ERC2: variants seen among roughly 807,000 people sequenced by gnomAD.
The protein encoded by ERC2 is ELKS/RAB6-interacting/CAST family member 2.
In ERC2, 42 loss-of-function variants were observed where a neutral mutation model predicts 114.8. The observed-to-expected ratio is 0.37, with a 90% CI of 0.29 to 0.47. The LOEUF is 0.47. Ranked by LOEUF, ERC2 falls within the 20% of genes least tolerant of loss-of-function variation. ERC2 has a pLI of 0.99. For synonymous variants in ERC2, 454 were observed against 425.5 expected (o/e 1.07, Z -0.82); for missense variants, 939 against 1,150.7 (o/e 0.82, Z 2.66).
rs1424447658 is a variant in ERC2 at position 56,126,826 on chromosome 3, G to GAAAGGAAAGGAAAGA, written c.1473+12682_1473+12683insTCTTTCCTTTCCTTT. Among the ~76,000 whole-genome samples, 19 of 149,680 alleles carry GAAAGGAAAGGAAAGA rather than the reference G, an allele frequency of 1.3e-4. 1 individual carries two copies. The East Asian group carries it at 3.5e-3, about 28-fold the overall frequency. On this transcript the variant is annotated intron_variant, in intron 6 of 17. Transcript: ENST00000288221. Reference sequence around the variant, plus strand: ...GAAAGGGAAGGAAAGGAAAGGAAAGGAAAGGAAAGGAAAGGAAAGGAAAGG... The same window carrying GAAAGGAAAGGAAAGA: ...GAAAGGGAAGGAAAGGAAAGGAAAGGAAAGGAAAGGAAAGAAAAGGAAAGGAAAGGAAAGGAAAGG...
rs1364853565 is a variant in ERC2 at position 55,509,407 on chromosome 3, T to A, written c.*1909A>T. 6.6e-6 allele frequency: 1 copy of A among 152,624 alleles called. No individual in the cohort carries two copies. The highest frequency in any genetic ancestry group is 1.9e-4 in the East Asian group (1 of 5,196). 9.5% of individuals were successfully genotyped at this position (152,624 alleles called of 1,614,324 possible). ...ACACATTTGTGGCCTGGGTTTTCAG[T>A]GCAACATTGTGTCAAAATGTGCTAA... On this transcript the variant is annotated 3_prime_UTR_variant, in exon 18 of 18. Coordinates refer to ENST00000288221, the MANE Select transcript of ERC2 (RefSeq NM_015576.3).
At chr3:56,117,436 A>T (rs539127573) in intron 6 of ERC2, among the ~76,000 whole-genome samples, 3 of 152,334 alleles carry the variant, frequency 2.0e-5, no homozygotes, top group South Asian at 2.1e-4. Context: ...AGACAAAGAC[A>T]ACAGGTTCAA....
chr3:56,459,994 A>G (rs973926050), intron 1 of ERC2, among the ~76,000 whole-genome samples: 12 of 152,242 alleles, frequency 7.9e-5, no homozygotes, highest in African/African-American at 2.7e-4. Flanking sequence ...CAAGAGGTTA[A>G]GAGCAGAACT....
At chr3:56,341,291 A>G (rs2058081093) in intron 2 of ERC2, among the ~76,000 whole-genome samples, 1 of 152,156 alleles carries the variant, frequency 6.6e-6, no homozygotes, top group African/African-American at 2.4e-5. Context: ...GAAACCTATA[A>G]TAAAAGTCAT....
At chr3:56,385,838 T>C (rs17235557) in intron 2 of ERC2, among the ~76,000 whole-genome samples, 46,297 of 152,070 alleles carry the variant, frequency 0.3, 7,212 homozygotes, top group African/African-American at 0.33. Context: ...ACACCAAGGC[T>C]GGAGAACTAC....
intron 17 of ERC2, 63 bp downstream of exon 17, chr3:55,683,731 G>T: frequency 7.7e-7 from 1 of 1,303,402 alleles, no homozygotes; most frequent in Non-Finnish European, 1.1e-6. Flanking sequence ...AATCGAGCAC[G>T]CACACAATAC....
At chr3:56,104,381 T>G (rs1040227406) in intron 6 of ERC2, among the ~76,000 whole-genome samples, 3 of 152,242 alleles carry the variant, frequency 2.0e-5, no homozygotes, top group African/African-American at 7.2e-5. Context: ...CAATTAGTTC[T>G]GCCTGAAAGG....
chr3:55,734,496 G>A (rs768824829), intron 15 of ERC2, among the ~76,000 whole-genome samples: 1 of 152,180 alleles, frequency 6.6e-6, no homozygotes, highest in African/African-American at 2.4e-5. Context: ...CTGGAGGAAA[G>A]AAAGTTGAGA....
intron 3 of ERC2, among the ~76,000 whole-genome samples, chr3:56,216,656 C>T (rs1159995669): frequency 6.6e-6 from 1 of 152,190 alleles, no homozygotes; most frequent in Non-Finnish European, 1.5e-5. Context: ...CCAGCATAAT[C>T]CTGATACCAA....
intron 2 of ERC2, among the ~76,000 whole-genome samples, chr3:56,420,871 T>C (rs1350884116): frequency 6.7e-6 from 1 of 148,354 alleles, no homozygotes; most frequent in African/African-American, 2.5e-5. Context: ...CACTCCAGCC[T>C]GGGCGACAGA....
At chr3:56,247,591 T>C (rs2051804794) in intron 3 of ERC2, among the ~76,000 whole-genome samples, 1 of 152,238 alleles carries the variant, frequency 6.6e-6, no homozygotes. Context: ...TATGCTTTCA[T>C]TAGAGAAATA....
At chr3:55,845,293 A>G (rs1296455291) in intron 14 of ERC2, among the ~76,000 whole-genome samples, 1 of 152,094 alleles carries the variant, frequency 6.6e-6, no homozygotes, top group Non-Finnish European at 1.5e-5. Context: ...TCACGAGGTC[A>G]GGAGATCGAG....
intron 17 of ERC2, among the ~76,000 whole-genome samples, chr3:55,635,537 T>G (rs2059925311): frequency 6.6e-6 from 1 of 151,924 alleles, no homozygotes; most frequent in Admixed American, 6.6e-5. Flanking sequence ...ACTATAGACG[T>G]CCGCCACCAC....
intron 17 of ERC2, chr3:55,610,540 C>T: frequency 6.5e-6 from 1 of 153,576 alleles, no homozygotes; most frequent in Non-Finnish European, 1.4e-5. Context: ...CACACACACA[C>T]ACACACACAA....
At chr3:55,624,012 G>T (rs2059417292) in intron 17 of ERC2, among the ~76,000 whole-genome samples, 2 of 152,184 alleles carry the variant, frequency 1.3e-5, no homozygotes, top group Non-Finnish European at 2.9e-5. Flanking sequence ...TCTGCCAACG[G>T]TGATCAAGAG....
intron 8 of ERC2, among the ~76,000 whole-genome samples, chr3:56,013,002 C>T (rs1367421315): frequency 1.3e-5 from 2 of 152,182 alleles, no homozygotes; most frequent in African/African-American, 4.8e-5. Context: ...TCCAGCTCCA[C>T]TATCTGGCTT....
At chr3:55,775,626 G>C (rs1159521332) in intron 14 of ERC2, among the ~76,000 whole-genome samples, 1 of 151,826 alleles carries the variant, frequency 6.6e-6, no homozygotes, top group Non-Finnish European at 1.5e-5. Context: ...AGGAGAGATA[G>C]ATAATAGACA....
chr3:55,823,136 AC>A (rs1454338967), intron 14 of ERC2, among the ~76,000 whole-genome samples: 1 of 152,178 alleles, frequency 6.6e-6, no homozygotes, highest in Non-Finnish European at 1.5e-5. Flanking sequence ...CCACTCAATT[AC>A]ATTTTAAGTC....
At chr3:55,670,934 C>G (rs2061533926) in intron 17 of ERC2, among the ~76,000 whole-genome samples, 1 of 152,082 alleles carries the variant, frequency 6.6e-6, no homozygotes, top group Non-Finnish European at 1.5e-5. Context: ...ACAGCCATGC[C>G]CACTCGTATG....
Sources: gnomAD v4.1 joint callset for allele counts (sites outside exome capture counted in the v4.1 genomes callset) on GRCh38, gnomAD v4.1.1 for gene constraint, MANE v1.5 for transcripts, NCBI Gene and HGNC (gene_info 2026-07-23, HGNC 2026-07-21) for gene names.